DGLUCY: variants seen among roughly 807,000 people sequenced by gnomAD.
DGLUCY encodes the protein D-glutamate cyclase, mitochondrial.
In DGLUCY, 58 loss-of-function variants were observed where a neutral mutation model predicts 58.5. The observed-to-expected ratio is 0.99, with a 90% CI of 0.80 to 1.23. DGLUCY has a LOEUF of 1.23. DGLUCY is among the 50% of genes most tolerant of loss of function. The probability of loss-of-function intolerance (pLI) is 0.00; values close to 1 mark genes in which losing one functional copy is unlikely to be tolerated. For missense variants in DGLUCY, 779 were observed against 784.7 expected, an observed-to-expected ratio of 0.99 and a Z score of 0.09; for synonymous variants, 325 against 314.1, an observed-to-expected ratio of 1.03 and a Z score of -0.37.
chr14:91,163,804 C>G (rs2048123905), intron 3 of DGLUCY, among the ~76,000 whole-genome samples: 1 of 152,136 alleles, frequency 6.6e-6, no homozygotes, highest in Non-Finnish European at 1.5e-5. Flanking sequence ...ATTACTTGTG[C>G]AAATGACTTG....
intron 8 of DGLUCY, among the ~76,000 whole-genome samples, chr14:91,182,444 G>GTTAT (rs2049239848): frequency 6.6e-6 from 1 of 152,132 alleles, no homozygotes; most frequent in Non-Finnish European, 1.5e-5. Context: ...TTAAAAAAAA[G>GTTAT]TTATTTATGT....
At chr14:91,202,237 G>T (rs117679538) in intron 11 of DGLUCY, among the ~76,000 whole-genome samples, 1,595 of 152,172 alleles carry the variant, frequency 0.01, 14 homozygotes, top group Non-Finnish European at 0.015. Flanking sequence ...GTTGCTGGTA[G>T]CATTAGGAGT....
intron 8 of DGLUCY, among the ~76,000 whole-genome samples, chr14:91,186,895 C>CA (rs34420600): frequency 0.38 from 57,342 of 151,990 alleles, 12,390 homozygotes; most frequent in African/African-American, 0.59. Flanking sequence ...AGGATGAGGC[C>CA]AGGTCACACA....
intron 1 of DGLUCY, among the ~76,000 whole-genome samples, chr14:91,127,632 G>A (rs1324000147): frequency 6.6e-6 from 1 of 152,266 alleles, no homozygotes; most frequent in Non-Finnish European, 1.5e-5. Context: ...AGGGAGCCAG[G>A]GGAAACTGCT....
At chr14:91,136,914 A>T (rs2046373308) in intron 1 of DGLUCY, among the ~76,000 whole-genome samples, 2 of 152,072 alleles carry the variant, frequency 1.3e-5, no homozygotes, top group South Asian at 4.2e-4. Flanking sequence ...GGTTGCGGTG[A>T]GCCGATATTG....
At chr14:91,162,301 A>G (rs982293758) in intron 3 of DGLUCY, among the ~76,000 whole-genome samples, 1 of 152,010 alleles carries the variant, frequency 6.6e-6, no homozygotes, top group Non-Finnish European at 1.5e-5. Context: ...TCATTAAGTT[A>G]AAAAAAATGA....
chr14:91,220,643 C>T (rs1887328899), intron 13 of DGLUCY: 1 of 456,270 alleles, frequency 2.2e-6, no homozygotes, highest in Non-Finnish European at 4.4e-6. Flanking sequence ...AGCCGTTTCT[C>T]CCGCTGCCAC....
At chr14:91,060,489 CG>C (rs2043622925) in exon 1 of DGLUCY, 7 of 1,309,362 alleles carry the variant, frequency 5.3e-6, no homozygotes, top group African/African-American at 1.5e-5. Context: ...CAGGAGACAG[CG>C]GACGCCCGTC....
chr14:91,090,881 G>A (rs2044299947), intron 1 of DGLUCY, among the ~76,000 whole-genome samples: 1 of 152,198 alleles, frequency 6.6e-6, no homozygotes, highest in Non-Finnish European at 1.5e-5. Context: ...CTCAGAGGCT[G>A]CATCCTGCAG....
At chr14:91,207,361 G>C (rs1402297132) in intron 12 of DGLUCY, among the ~76,000 whole-genome samples, 1 of 151,982 alleles carries the variant, frequency 6.6e-6, no homozygotes, top group Non-Finnish European at 1.5e-5. Context: ...ACCCACAACA[G>C]ATCAGAATAT....
chr14:91,071,641 G>A (rs1055246491), intron 1 of DGLUCY, among the ~76,000 whole-genome samples: 6 of 151,326 alleles, frequency 4.0e-5, no homozygotes, highest in East Asian at 2.0e-4. Context: ...AGGCCAAGGC[G>A]GGTGGATCAC....
chr14:91,132,288 G>T (rs910026741), intron 1 of DGLUCY, among the ~76,000 whole-genome samples: 1 of 151,954 alleles, frequency 6.6e-6, no homozygotes, highest in African/African-American at 2.4e-5. Context: ...CTATGGGCAG[G>T]GTGTGGTACC....
intron 1 of DGLUCY, among the ~76,000 whole-genome samples, chr14:91,151,596 G>A (rs2047340058): frequency 6.6e-6 from 1 of 150,636 alleles, no homozygotes; most frequent in Non-Finnish European, 1.5e-5. Context: ...TTTCAAGAAT[G>A]GTACTAAAGA....
intron 13 of DGLUCY, 41 bp downstream of exon 13, chr14:91,215,597 T>G: frequency 6.2e-7 from 1 of 1,612,228 alleles, no homozygotes; most frequent in South Asian, 1.1e-5. Context: ...AAGCAGCTTT[T>G]ACCCTGGATG....
chr14:91,103,559 A>T (rs187339907), upstream of DGLUCY, among the ~76,000 whole-genome samples: 117 of 152,126 alleles, frequency 7.7e-4, no homozygotes, highest in Non-Finnish European at 1.2e-3. Context: ...TCCTTCTCTT[A>T]TACCAGAGCA....
At position 91,077,265 on chromosome 14, in the gene DGLUCY, A is replaced by G. The variant is rs564776232; in HGVS notation, c.-82+16561A>G. Among the ~76,000 whole-genome samples, 768 of 147,474 alleles carry G rather than the reference A, an allele frequency of 5.2e-3. 6 individuals are homozygous for G. The highest frequency in any genetic ancestry group is 0.018 in the African/African-American group (735 of 40,162). The stretch of plus-strand genomic sequence containing the variant: ...CAAGCAAAGAGTGGGGAGAGAGAGA[A>G]AGAGAGAGAGAGAGAGAGAAACAAA... On this transcript the variant is annotated intron_variant, in intron 1 of 4. Transcript: ENST00000521334.
rs1287891261 is a variant in DGLUCY at position 91,060,543 on chromosome 14, G to A, written c.-243G>A. The A allele has an allele frequency of 2.5e-6, 3 of 1,212,110 alleles. No homozygotes were observed. The African/African-American group carries it at 4.7e-5, about 19-fold the overall frequency. The allele number at this position is 1,212,110 out of a possible 1,614,324, so 75.1% of individuals were successfully genotyped here. A position where few individuals can be genotyped will look rare whatever the true frequency, so the allele number is the denominator to read the frequency against. On this transcript the variant is annotated 5_prime_UTR_variant, in exon 1 of 5. Coordinates refer to the DGLUCY transcript ENST00000521334. Reference sequence around the variant, plus strand: ...GCGGCCCCAGGAGTCGGGGTGCGGCGGCTCCAGAACTCGGACGCAAAGACG... The same window carrying A: ...GCGGCCCCAGGAGTCGGGGTGCGGCAGCTCCAGAACTCGGACGCAAAGACG...
At chr14:91,123,127 A>G (rs2045482665) in intron 1 of DGLUCY, among the ~76,000 whole-genome samples, 2 of 152,162 alleles carry the variant, frequency 1.3e-5, no homozygotes, top group Admixed American at 6.6e-5. Context: ...CACCTTAGTT[A>G]CTAGTGACGG....
Position 91,224,735 on chromosome 14 carries a change from T to C in DGLUCY, c.1768T>C (p.Ser590Pro), listed in dbSNP as rs2140817940. The C allele has an allele frequency of 1.2e-6, 2 of 1,613,588 alleles. No individual in the cohort carries two copies. Among genetic ancestry groups the C allele is most frequent in the South Asian group, 2.2e-5 (2 of 91,032 alleles). The part of the protein sequence containing the change: ...LVQHKVRSGV[S>P]GIVGMEVDGL... ...GCAGCACAAAGTCCGGAGTGGCGTC[T>C]CGGGCATCGTGGGCATGGAGGTGGA... The change falls in exon 14 of 14, where the codon TCG (serine) becomes CCG (proline). Residue 590 changes from serine (S) to proline (P), a missense_variant. Coordinates refer to ENST00000256324, the MANE Select transcript of DGLUCY (RefSeq NM_001102368.3).
Sources: allele counts gnomAD v4.1 joint callset (sites outside exome capture counted in the v4.1 genomes callset), GRCh38; gene constraint gnomAD v4.1.1; transcripts MANE v1.5; gene names NCBI Gene and HGNC (gene_info 2026-07-23, HGNC 2026-07-21).